The following PRDM6 variants were observed in gnomAD, a reference collection of about 807,000 sequenced individuals.
PRDM6 encodes the protein putative histone-lysine N-methyltransferase PRDM6.
In PRDM6, 25 loss-of-function variants were observed where a neutral mutation model predicts 60.8. The ratio of observed to expected loss-of-function variants is 0.41; its 90% CI spans 0.30 to 0.57. The LOEUF is 0.57. Among genes scored for constraint, PRDM6 ranks in the 20% least tolerant of loss-of-function variants. The probability of loss-of-function intolerance (pLI) is 0.27; values close to 1 mark genes in which losing one functional copy is unlikely to be tolerated. For missense variants in PRDM6, 839 were observed against 821.3 expected, an observed-to-expected ratio of 1.02 and a Z score of -0.26; for synonymous variants, 407 against 357.4, an observed-to-expected ratio of 1.14 and a Z score of -1.57.
At chr5:123,153,200 CAAAAA>C (rs3036136) in intron 3 of PRDM6, among the ~76,000 whole-genome samples, 2 of 122,450 alleles carry the variant, frequency 1.6e-5, no homozygotes, top group Non-Finnish European at 1.7e-5. Context: ...AACTGAACTA[CAAAAA>C]AAAAAAAAAA....
chr5:123,134,708 A>G (rs1482873454), intron 3 of PRDM6, among the ~76,000 whole-genome samples: 1 of 152,164 alleles, frequency 6.6e-6, no homozygotes, highest in Non-Finnish European at 1.5e-5. Flanking sequence ...TTAACCTCAT[A>G]TCTCTACCAA....
At chr5:123,105,015 C>T (rs995399579) in intron 3 of PRDM6, among the ~76,000 whole-genome samples, 10 of 152,196 alleles carry the variant, frequency 6.6e-5, no homozygotes, top group African/African-American at 9.7e-5. Context: ...TTTGGACATT[C>T]TCACATCAGT....
At chr5:123,171,334 A>G (rs149335577) in intron 6 of PRDM6, among the ~76,000 whole-genome samples, 1,581 of 152,318 alleles carry the variant, frequency 0.01, 18 homozygotes, top group African/African-American at 0.029. Flanking sequence ...CCTTCCGAAC[A>G]GTTCTGCCCA....
intron 3 of PRDM6, among the ~76,000 whole-genome samples, chr5:123,129,878 A>T (rs1403351864): frequency 6.6e-6 from 1 of 152,158 alleles, no homozygotes; most frequent in African/African-American, 2.4e-5. Context: ...CAATATTTCA[A>T]ACCTAAGCAA....
intron 4 of PRDM6, among the ~76,000 whole-genome samples, chr5:123,157,025 A>G (rs1251457163): frequency 2.0e-5 from 3 of 151,600 alleles, no homozygotes; most frequent in Non-Finnish European, 4.4e-5. Context: ...GTGCTCAGCA[A>G]CTTGGAGTCC....
At chr5:123,183,919 A>G (rs9327287) in intron 7 of PRDM6, among the ~76,000 whole-genome samples, 43,505 of 152,032 alleles carry the variant, frequency 0.29, 6,625 homozygotes, top group East Asian at 0.59. Flanking sequence ...AACTGAGAAC[A>G]GGCCAGAATT....
At chr5:123,118,054 T>A (rs991356428) in intron 3 of PRDM6, among the ~76,000 whole-genome samples, 2 of 152,210 alleles carry the variant, frequency 1.3e-5, no homozygotes, top group African/African-American at 4.8e-5. Context: ...CTGAGGAAGA[T>A]GTTTAAGTGA....
At chr5:123,118,225 A>C (rs1399134446) in intron 3 of PRDM6, among the ~76,000 whole-genome samples, 1 of 152,240 alleles carries the variant, frequency 6.6e-6, no homozygotes, top group African/African-American at 2.4e-5. Flanking sequence ...GAGAGATGGA[A>C]TTCAAGTTGG....
rs999189779 is a variant in PRDM6, at chr5:123,090,245, C to T, written c.231C>T (p.Ser77=). ...TGCGCCCGCGGCCCGCCTCTCTCTC[C>T]TCCGCCTCGTCCACGCCGGCTTCCT... ...DSLRPRPASL[S]SASSTPASSS... is the part of the protein sequence containing the mutation. The change falls in exon 2 of 8, where the codon TCC becomes TCT. Residue 77 remains serine, a synonymous_variant. Coordinates refer to ENST00000407847, the MANE Select transcript of PRDM6 (RefSeq NM_001136239.4). 5 of 1,486,114 alleles carry T rather than the reference C, an allele frequency of 3.4e-6. No homozygotes were observed. The highest frequency in any genetic ancestry group is 3.6e-6 in the Non-Finnish European group (4 of 1,118,100). 92.1% of individuals were successfully genotyped at this position (1,486,114 alleles called of 1,614,324 possible). A position where few individuals can be genotyped will look rare whatever the true frequency, so the allele number is the denominator to read the frequency against.
chr5:123,168,744 T>C (rs866951739), intron 5 of PRDM6, among the ~76,000 whole-genome samples: 2 of 152,362 alleles, frequency 1.3e-5, no homozygotes, highest in Middle Eastern at 6.8e-3. Flanking sequence ...TTACTTTTCT[T>C]TCCTAAGACA....
At chr5:123,133,607 G>A (rs1330980296) in intron 3 of PRDM6, among the ~76,000 whole-genome samples, 1 of 152,052 alleles carries the variant, frequency 6.6e-6, no homozygotes, top group Non-Finnish European at 1.5e-5. Context: ...ACAACCAATA[G>A]TGTGTTTGTT....
chr5:123,153,200 C>CAA (rs3036136), intron 3 of PRDM6, among the ~76,000 whole-genome samples: 1 of 122,462 alleles, frequency 8.2e-6, no homozygotes, highest in East Asian at 4.7e-4. Context: ...AACTGAACTA[C>CAA]AAAAAAAAAA....
At position 123,099,372 on chromosome 5, in the gene PRDM6, G is replaced by C. The variant is rs1377838618; in HGVS notation, c.593-282G>C. Among the ~76,000 whole-genome samples, 1 of 152,182 alleles carries C rather than the reference G, an allele frequency of 6.6e-6. No individual in the cohort carries two copies. Among genetic ancestry groups the C allele is most frequent in the Admixed American group, 6.5e-5 (1 of 15,290 alleles). ...TGGAACTGTCGGTTCCGTGGAGAGC[G>C]GACATGCTATCTGCGCCCAGATCCG... On this transcript the variant is annotated intron_variant, in intron 2 of 7. Transcript: ENST00000407847. The surrounding 1 kb of genome is among the most constrained non-coding windows in gnomAD (Gnocchi z 4.0).
In PRDM6 at chr5:123,155,896, G is replaced by T; in HGVS notation, c.913G>T (p.Asp305Tyr). ...ACCTCTTCTCCAGATATATGACCAGGATGGGACACTACAGCACTTTATTGA... is the reference window on the plus strand; with the variant it reads ...ACCTCTTCTCCAGATATATGACCAGTATGGGACACTACAGCACTTTATTGA... ...TQHLWEIYDQ[D>Y]GTLQHFIDGG... is the part of the protein sequence containing the mutation. The change falls in exon 4 of 8, where the codon GAT (aspartate) becomes TAT (tyrosine). Residue 305 changes from aspartate (D) to tyrosine (Y), a missense_variant. Transcript: ENST00000407847. The T allele has an allele frequency of 2.6e-6, 4 of 1,551,426 alleles. No homozygotes were observed. Among genetic ancestry groups the T allele is most frequent in the Non-Finnish European group, 2.6e-6 (3 of 1,146,836 alleles).
intron 3 of PRDM6, among the ~76,000 whole-genome samples, chr5:123,112,700 CTT>C (rs1764339756): frequency 6.7e-6 from 1 of 149,600 alleles, no homozygotes; most frequent in South Asian, 2.1e-4. Context: ...CTCCCCTAAT[CTT>C]TATCCTTATC....
intron 4 of PRDM6, among the ~76,000 whole-genome samples, chr5:123,157,261 G>A (rs1047598976): frequency 6.6e-6 from 1 of 152,090 alleles, no homozygotes. Context: ...GCACAAGACA[G>A]TATTTCATTA....
intron 3 of PRDM6, among the ~76,000 whole-genome samples, chr5:123,142,877 C>CAAAA: frequency 5.6e-3 from 153 of 27,296 alleles, no homozygotes; most frequent in South Asian, 7.9e-3. Flanking sequence ...CAGTGAAGAC[C>CAAAA]AAAAAAAAAA....
intron 3 of PRDM6, among the ~76,000 whole-genome samples, chr5:123,147,272 T>A (rs1166560169): frequency 8.4e-6 from 1 of 118,804 alleles, no homozygotes; most frequent in Non-Finnish European, 1.8e-5. Flanking sequence ...TTAACACTGA[T>A]ACTAAAAAGA....
rs70988559 is a variant in PRDM6 at position 123,111,707 on chromosome 5, CAAAAA to C, written c.900+11752_900+11756del. ...AGCGAGAAAACAAAACAAAACAAAA[CAAAAA>C]AAAAACAAAATGCCAGTCTCGTCCT... is the stretch of plus-strand genomic sequence containing the variant. On this transcript the variant is annotated intron_variant, in intron 3 of 7. Transcript: ENST00000407847. Among the ~76,000 whole-genome samples, 88 of 103,894 alleles carry C rather than the reference CAAAAA, an allele frequency of 8.5e-4. No individual in the cohort carries two copies. In the South Asian group the frequency reaches 0.016, roughly 19 times the overall value. The allele number at this position is 103,894 out of a possible 152,430, so 68.2% of individuals were successfully genotyped here.
Sources: gnomAD v4.1 joint callset for allele counts (sites outside exome capture counted in the v4.1 genomes callset) on GRCh38, gnomAD v4.1.1 for gene constraint, Gnocchi (gnomAD v3.1) non-coding constraint, MANE v1.5 for transcripts, NCBI Gene and HGNC (gene_info 2026-07-23, HGNC 2026-07-21) for gene names.